The following DNAH6 variants were observed in gnomAD, a reference collection of about 807,000 sequenced individuals.
The protein encoded by DNAH6 is axonemal beta dynein heavy chain 6.
In DNAH6, 340 loss-of-function variants were observed where a neutral mutation model predicts 491.4. The observed-to-expected ratio is 0.69, with a 90% confidence interval of 0.63 to 0.76. DNAH6 has a LOEUF of 0.76. DNAH6 is among the 30% of genes least tolerant of loss of function. DNAH6 has a pLI of 0.00. For synonymous variants in DNAH6, 1,603 were observed against 1,686.1 expected, an observed-to-expected ratio of 0.95 and a Z score of 1.21; for missense variants, 4,443 against 4,972.2, an observed-to-expected ratio of 0.89 and a Z score of 3.20.
At chr2:84,460,451 C>A in the DNAH6 span, among the ~76,000 whole-genome samples, 2 of 152,128 alleles carry the variant, frequency 1.3e-5, no homozygotes, top group African/African-American at 2.4e-5. Flanking sequence ...TTTTAAATAG[C>A]AAAATTATTC....
intron 60 of DNAH6, among the ~76,000 whole-genome samples, chr2:84,726,021 T>C (rs1368259908): frequency 6.6e-6 from 1 of 152,152 alleles, no homozygotes; most frequent in East Asian, 1.9e-4. Flanking sequence ...TCTAAGCCCT[T>C]TTAACTTGGG....
chr2:84,580,201 C>T (rs1682867382), intron 14 of DNAH6, among the ~76,000 whole-genome samples: 1 of 152,126 alleles, frequency 6.6e-6, no homozygotes, highest in Non-Finnish European at 1.5e-5. Context: ...AAACCCAACA[C>T]AAACCCGCTT....
chr2:84,676,342 G>A (rs1364266377), intron 40 of DNAH6, among the ~76,000 whole-genome samples: 1 of 152,148 alleles, frequency 6.6e-6, no homozygotes. Flanking sequence ...ATTTTGCTAT[G>A]TAAAATGGCC....
In DNAH6 at chr2:84,653,636, G is replaced by C; in HGVS notation, c.5396G>C (p.Gly1799Ala). The change falls in exon 34 of 77, where the codon GGT becomes GCT. Residue 1799 changes from glycine (G) to alanine (A), a missense_variant. This residue lies in a region of DNAH6 where 2,977 missense variants were observed against 3,296.6 expected (regional missense o/e 0.90). Transcript: ENST00000389394. ...YVLNPKSITM[G>A]ELYGEVNNLT... ...CTCAACCCTAAATCAATTACCATGGGTGAATTATATGGAGAGGTTAATAAC... is the reference window on the plus strand; with the variant it reads ...CTCAACCCTAAATCAATTACCATGGCTGAATTATATGGAGAGGTTAATAAC... 3 of 1,551,216 alleles carry C rather than the reference G, an allele frequency of 1.9e-6. No homozygotes were observed. Among genetic ancestry groups the C allele is most frequent in the Non-Finnish European group, 2.6e-6 (3 of 1,146,670 alleles).
At chr2:84,471,518 T>A in the DNAH6 span, among the ~76,000 whole-genome samples, 1 of 152,196 alleles carries the variant, frequency 6.6e-6, no homozygotes, top group South Asian at 2.1e-4. Flanking sequence ...GTCTCTTGTA[T>A]TCAGGGTAGA....
At position 84,659,565 on chromosome 2, in the gene DNAH6, A is replaced by ATCC. The variant is rs372382523; in HGVS notation, c.6084+396_6084+397insTCC. 2.8e-3 allele frequency among the ~76,000 whole-genome samples: 430 copies of ATCC among 152,332 alleles called. 1 individual carries two copies. Among genetic ancestry groups the ATCC allele is most frequent in the African/African-American group, 9.5e-3 (395 of 41,572 alleles). Reference sequence around the variant, plus strand: ...TGAGAATAATGGCAATGAATTTCTCACTGTTAGAGAAGGGATTTACAAATA... The same window carrying ATCC: ...TGAGAATAATGGCAATGAATTTCTCATCCCTGTTAGAGAAGGGATTTACAAATA... On this transcript the variant is annotated intron_variant, in intron 37 of 76. Transcript: ENST00000389394.
At chr2:84,817,198 A>AT (rs1289987652) in intron 76 of DNAH6, among the ~76,000 whole-genome samples, 6 of 151,942 alleles carry the variant, frequency 3.9e-5, no homozygotes, top group African/African-American at 9.7e-5. Flanking sequence ...AAAAAAAAAA[A>AT]TGCTCAAAAT....
chr2:84,787,183 C>A lies in DNAH6; in HGVS notation c.11120C>A (p.Pro3707His). ...TTTTAGGAGAGAAAGAAGTTTGGCC[C>A]CCTTGGTTGGAATATCTGCTATGAA... ...AIIQERKKFG[P>H]LGWNICYEFN... The change falls in exon 68 of 77, where the codon CCC becomes CAC. Residue 3707 changes from proline (P) to histidine (H), a missense_variant. Pro to His is a moderately conservative substitution (Grantham distance 77). Coordinates refer to ENST00000389394, the MANE Select transcript of DNAH6 (RefSeq NM_001370.2). The A allele has an allele frequency of 6.6e-7, 1 of 1,523,128 alleles. No homozygotes were observed. The highest frequency in any genetic ancestry group is 1.4e-5 in the African/African-American group (1 of 71,598). 94.4% of individuals were successfully genotyped at this position (1,523,128 alleles called of 1,614,324 possible). A position where few individuals can be genotyped will look rare whatever the true frequency, so the allele number is the denominator to read the frequency against.
At chr2:84,626,437 A>G (rs1687862288) in intron 29 of DNAH6, among the ~76,000 whole-genome samples, 1 of 152,164 alleles carries the variant, frequency 6.6e-6, no homozygotes, top group South Asian at 2.1e-4. Context: ...TGCTTATAAT[A>G]TCAAAGATTG....
At chr2:84,748,397 A>G (rs186519082) in intron 63 of DNAH6, among the ~76,000 whole-genome samples, 50 of 152,250 alleles carry the variant, frequency 3.3e-4, no homozygotes, top group Admixed American at 2.5e-3. Flanking sequence ...GATTATGAAA[A>G]ATTTGAAATT....
At chr2:84,690,470 A>T (rs1328804537) in intron 45 of DNAH6, among the ~76,000 whole-genome samples, 2 of 152,196 alleles carry the variant, frequency 1.3e-5, no homozygotes, top group Non-Finnish European at 2.9e-5. Flanking sequence ...GCCTACAAGG[A>T]AAAAAATAAT....
chr2:84,597,663 G>A (rs72941043), intron 18 of DNAH6, among the ~76,000 whole-genome samples: 6,169 of 152,236 alleles, frequency 0.041, 403 homozygotes, highest in African/African-American at 0.14. Context: ...CAATACAAAT[G>A]TTCACAGCAG....
At chr2:84,725,759 A>G (rs1031964515) in intron 60 of DNAH6, among the ~76,000 whole-genome samples, 1 of 152,176 alleles carries the variant, frequency 6.6e-6, no homozygotes, top group Non-Finnish European at 1.5e-5. Flanking sequence ...CTTGGCCAGG[A>G]TACCCTCTAC....
Position 84,805,692 on chromosome 2 carries a change from A to G in DNAH6, c.11509A>G (p.Thr3837Ala). 6.4e-7 allele frequency: 1 copy of G among 1,551,746 alleles called. No individual in the cohort carries two copies. Among genetic ancestry groups the G allele is most frequent in the Non-Finnish European group, 8.7e-7 (1 of 1,146,898 alleles). ...QYKETSTLIN[T>A]ILEVQPRSST... ...CAAAGAGACCAGCACTTTAATCAACACCATACTTGAGGTTCAGCCAAGGTC... is the reference window on the plus strand; with the variant it reads ...CAAAGAGACCAGCACTTTAATCAACGCCATACTTGAGGTTCAGCCAAGGTC... Residue 3837 changes from threonine (T) to alanine (A), a missense_variant, in exon 71 of 77, where the codon ACC becomes GCC. By Grantham distance (58) the Thr-to-Ala change is moderately conservative. Around this residue, in one of 3 missense-constraint regions of DNAH6, gnomAD observed 1,463 missense variants for 1,656.6 expected, o/e 0.88. Coordinates refer to ENST00000389394, the MANE Select transcript of DNAH6 (RefSeq NM_001370.2).
At chr2:84,778,749 G>C (rs148887129) in intron 64 of DNAH6, among the ~76,000 whole-genome samples, 1 of 152,040 alleles carries the variant, frequency 6.6e-6, no homozygotes, top group Non-Finnish European at 1.5e-5. Context: ...CTCCACCTCC[G>C]CCTCCCAAAG....
intron 18 of DNAH6, among the ~76,000 whole-genome samples, chr2:84,602,751 T>A (rs1475975763): frequency 6.6e-6 from 1 of 151,370 alleles, no homozygotes; most frequent in East Asian, 1.9e-4. Context: ...TTCTGTGATA[T>A]GTACTTTAGG....
chr2:84,549,814 T>A lies in DNAH6; in HGVS notation c.1317-75T>A, dbSNP rs1679143543. 2.3e-5 allele frequency: 23 copies of A among 999,132 alleles called. No individual in the cohort carries two copies. The South Asian group carries it at 4.3e-4, about 19-fold the overall frequency. 61.9% of individuals were successfully genotyped at this position (999,132 alleles called of 1,614,324 possible). ...TATGATATTTTACATTTTAAATATT[T>A]GCTTTAGAGACACTGTCAAAAATAT... On this transcript the variant is annotated intron_variant, in intron 8 of 76. Transcript: ENST00000389394.
Position 84,697,676 on chromosome 2 carries a change from C to A in DNAH6, c.7626C>A (p.Ala2542=). ...EKDELEQVLA[A]TRPRAKEVGI... is the part of the protein sequence containing the mutation. The stretch of plus-strand genomic sequence containing the variant: ...ATGAACTGGAGCAGGTTTTAGCGGC[C>A]ACCAGACCAAGAGCAAAAGAAGTAG... Residue 2542 remains alanine, a synonymous_variant, in exon 47 of 77, where the codon GCC becomes GCA. Coordinates refer to ENST00000389394, the MANE Select transcript of DNAH6 (RefSeq NM_001370.2). The A allele has an allele frequency of 6.4e-7, 1 of 1,551,850 alleles. No individual in the cohort carries two copies. Among genetic ancestry groups the A allele is most frequent in the Non-Finnish European group, 8.7e-7 (1 of 1,147,022 alleles).
chr2:84,499,666 C>G, the DNAH6 span, among the ~76,000 whole-genome samples: 1 of 152,132 alleles, frequency 6.6e-6, no homozygotes, highest in Non-Finnish European at 1.5e-5. Flanking sequence ...CATCACTGTA[C>G]AAGGGTTCCC....
Sources: allele counts gnomAD v4.1 joint callset (sites outside exome capture counted in the v4.1 genomes callset), GRCh38; gene constraint gnomAD v4.1.1; regional missense constraint gnomAD v4.1.1; transcripts MANE v1.5; gene names NCBI Gene and HGNC (gene_info 2026-07-23, HGNC 2026-07-21).